AP3D1: variants seen among roughly 807,000 people sequenced by gnomAD.
AP3D1 encodes AP-3 complex subunit delta-1.
Under a neutral mutation model 147.6 loss-of-function variants are expected in AP3D1, and 51 were observed. That is an observed-to-expected ratio of 0.35 (90% CI 0.28 to 0.44). AP3D1 has a LOEUF of 0.44. AP3D1 is among the 20% of genes least tolerant of loss of function. The pLI, the probability that AP3D1 is intolerant of heterozygous loss-of-function variation, is 1.00. For missense variants in AP3D1, 1,421 were observed against 1,624.2 expected (o/e 0.87, Z 2.15); for synonymous variants, 760 against 663.0 (o/e 1.15, Z -2.25).
chr19:2,137,712 G>T lies in AP3D1; in HGVS notation c.273+15C>A, dbSNP rs768859730. ...CACTCCCCACCCCACCAGCCTTGCC[G>T]TCCCAGAACCTCACCTTGAAGGTGA... On this transcript the variant is annotated intron_variant, in intron 3 of 31. Coordinates refer to ENST00000643116, the MANE Select transcript of AP3D1 (RefSeq NM_001261826.3). 4 of 1,612,536 alleles carry T rather than the reference G, an allele frequency of 2.5e-6. No homozygotes were observed. Among genetic ancestry groups the T allele is most frequent in the Admixed American group, 3.3e-5 (2 of 59,938 alleles).
At chr19:2,114,571 G>A (rs2018385582) in intron 21 of AP3D1, among the ~76,000 whole-genome samples, 177 bp downstream of exon 21, 1 of 152,210 alleles carries the variant, frequency 6.6e-6, no homozygotes, top group Non-Finnish European at 1.5e-5. Flanking sequence ...TAAGAGTCTT[G>A]GTTGGGAGGG....
chr19:2,146,793 C>T (rs2019368205), intron 1 of AP3D1, among the ~76,000 whole-genome samples: 1 of 152,078 alleles, frequency 6.6e-6, no homozygotes, highest in African/African-American at 2.4e-5. Context: ...GGAGACTTTT[C>T]TTACCATCAA....
Position 2,116,282 on chromosome 19 carries a change from T to C in AP3D1, c.2002-4A>G, listed in dbSNP as rs2240656. The C allele has an allele frequency of 0.099, 159,957 of 1,613,328 alleles. 14,878 individuals carry two copies. The highest frequency in any genetic ancestry group is 0.4 in the East Asian group (18,079 of 44,834). On this transcript the variant is annotated splice_region_variant and splice_polypyrimidine_tract_variant and intron_variant, in intron 17 of 31. Transcript: ENST00000643116. ...CCTGCTTCCGGGCCTCTCGGCGCTG[T>C]GGGACACAGCTTGGCATGAGCCCGA...
chr19:2,109,351 G>A (rs2018200280), intron 29 of AP3D1, 144 bp from the exon 30 acceptor site: 2 of 1,125,236 alleles, frequency 1.8e-6, no homozygotes, highest in Admixed American at 2.7e-5. Context: ...GGTCCTGGAA[G>A]GTGTGGCTCA....
intron 2 of AP3D1, among the ~76,000 whole-genome samples, chr19:2,138,094 C>T (rs1733199040): frequency 6.6e-6 from 1 of 152,228 alleles, no homozygotes; most frequent in Non-Finnish European, 1.5e-5. Context: ...CCCCTACCAA[C>T]CCTTGGCGAA....
At chr19:2,150,581 C>A (rs573639295) in intron 1 of AP3D1, among the ~76,000 whole-genome samples, 2 of 152,208 alleles carry the variant, frequency 1.3e-5, no homozygotes, top group Admixed American at 6.5e-5. Context: ...TCCTTCCTCC[C>A]TCCTGGCAGC....
intron 2 of AP3D1, 31 bp downstream of exon 2, chr19:2,138,588 T>TGCTGGGC (rs1341249976): frequency 6.4e-7 from 1 of 1,555,072 alleles, no homozygotes; most frequent in Admixed American, 1.7e-5. Flanking sequence ...AGCCCGACAG[T>TGCTGGGC]GCTGGGCGCT....
At chr19:2,109,841 C>G (rs551478791) in intron 29 of AP3D1, 32 bp downstream of exon 29, 1 of 1,604,006 alleles carries the variant, frequency 6.2e-7, no homozygotes. Context: ...GGAGGGGGTT[C>G]GGGGACATAG....
Position 2,131,621 on chromosome 19 carries a change from C to T in AP3D1, c.462+850G>A, listed in dbSNP as rs76766019. Reference sequence around the variant, plus strand: ...TGGACAGGCAGCCACGCGGGGACAGCGCCCATCGGCCACGATCTAGACACC... The same window carrying T: ...TGGACAGGCAGCCACGCGGGGACAGTGCCCATCGGCCACGATCTAGACACC... On this transcript the variant is annotated intron_variant, in intron 5 of 31. Transcript: ENST00000643116. 1.7e-3 allele frequency among the ~76,000 whole-genome samples: 226 copies of T among 133,202 alleles called. 28 individuals carry two copies. The highest frequency in any genetic ancestry group is 6.2e-3 in the African/African-American group (190 of 30,656). 87.4% of individuals were successfully genotyped at this position (133,202 alleles called of 152,430 possible).
Position 2,120,917 on chromosome 19 carries a change from T to C in AP3D1, c.1426A>G (p.Asn476Asp). ...AHLLASSTQR[N>D]GICEVLYAAA... Reference sequence around the variant, plus strand: ...GCGTACAGCACCTCACAGATCCCGTTCCGCTGGGTGCTGCTGGCCAGCAGG... The same window carrying C: ...GCGTACAGCACCTCACAGATCCCGTCCCGCTGGGTGCTGCTGGCCAGCAGG... Residue 476 changes from asparagine (N) to aspartate (D), a missense_variant, in exon 14 of 32, where the codon AAC becomes GAC. Around this residue, in one of 6 missense-constraint regions of AP3D1, gnomAD observed 310 missense variants for 388.1 expected, o/e 0.80. Coordinates refer to ENST00000643116, the MANE Select transcript of AP3D1 (RefSeq NM_001261826.3). 6.2e-7 allele frequency: 1 copy of C among 1,611,578 alleles called. No homozygotes were observed.
rs568358892 is a variant in AP3D1, at chr19:2,119,204, C to T, written c.1482-372G>A. On this transcript the variant is annotated intron_variant, in intron 14 of 31. Coordinates refer to ENST00000643116, the MANE Select transcript of AP3D1 (RefSeq NM_001261826.3). ...GGGGCCTCGGGGTGCGCCTCACTGG[C>T]GTCTGACACAATGCCTTGGGACTTG... Among the ~76,000 whole-genome samples, 117 of 152,326 alleles carry T rather than the reference C, an allele frequency of 7.7e-4. 1 individual carries two copies. Among genetic ancestry groups the T allele is most frequent in the African/African-American group, 2.7e-3 (112 of 41,570 alleles).
chr19:2,144,031 A>G (rs1273808280), intron 1 of AP3D1, among the ~76,000 whole-genome samples: 2 of 149,756 alleles, frequency 1.3e-5, no homozygotes, highest in African/African-American at 4.9e-5. Flanking sequence ...CGTTGCGGTG[A>G]GCCGAGATCG....
chr19:2,110,103 C>T (rs577459436), intron 28 of AP3D1, 33 bp downstream of exon 28: 14 of 1,603,578 alleles, frequency 8.7e-6, no homozygotes, highest in African/African-American at 6.7e-5. Flanking sequence ...CCTGCAGAGT[C>T]GGCTCTTCAA....
At chr19:2,137,604 C>G in intron 3 of AP3D1, 123 bp downstream of exon 3, 1 of 835,542 alleles carries the variant, frequency 1.2e-6, no homozygotes, top group South Asian at 1.7e-5. Flanking sequence ...GCCACTGAAT[C>G]CACCTTGGGT....
chr19:2,155,064 C>A (rs1221540420), upstream of AP3D1, among the ~76,000 whole-genome samples: 1 of 152,176 alleles, frequency 6.6e-6, no homozygotes, highest in Non-Finnish European at 1.5e-5. Context: ...CCTGTAATCC[C>A]AGCTACTTCC....
intron 25 of AP3D1, 145 bp from the exon 26 acceptor site, chr19:2,111,477 C>A (rs1257132765): frequency 4.2e-5 from 52 of 1,251,692 alleles, no homozygotes; most frequent in Non-Finnish European, 5.7e-5. Flanking sequence ...ATGAGGGATC[C>A]CCGGCTCCCA....
intron 9 of AP3D1, among the ~76,000 whole-genome samples, chr19:2,126,115 G>T (rs1048327111): frequency 1.3e-5 from 2 of 149,386 alleles, no homozygotes; most frequent in Non-Finnish European, 2.9e-5. Flanking sequence ...GAGAGACGGG[G>T]TCTCACTCTG....
At chr19:2,156,827 G>A (rs773928612) in intron 1 of AP3D1, among the ~76,000 whole-genome samples, 3 of 151,386 alleles carry the variant, frequency 2.0e-5, no homozygotes, top group Non-Finnish European at 2.9e-5. Flanking sequence ...CCAGCCTGAT[G>A]ACAGAGCGAG....
chr19:2,143,277 G>A lies in AP3D1; in HGVS notation c.97-4563C>T, dbSNP rs2019270256. ...TTTTTTTGAGACAGAGTCCTGCTCT[G>A]TCGCCCAGGCTGGAGTGCAGCAGCG... On this transcript the variant is annotated intron_variant, in intron 1 of 31. Coordinates refer to ENST00000643116, the MANE Select transcript of AP3D1 (RefSeq NM_001261826.3). Among the ~76,000 whole-genome samples the A allele has an allele frequency of 1.7e-5, 2 of 116,496 alleles. 1 individual carries two copies. The highest frequency in any genetic ancestry group is 5.4e-4 in the South Asian group (2 of 3,700). The allele number at this position is 116,496 out of a possible 152,430, so 76.4% of individuals were successfully genotyped here. A position where few individuals can be genotyped will look rare whatever the true frequency, so the allele number is the denominator to read the frequency against.
Sources: gnomAD v4.1 joint callset for allele counts (sites outside exome capture counted in the v4.1 genomes callset) on GRCh38, gnomAD v4.1.1 for gene constraint, gnomAD v4.1.1 regional missense constraint, MANE v1.5 for transcripts, NCBI Gene and HGNC (gene_info 2026-07-23, HGNC 2026-07-21) for gene names.